KIAA0319L: variants seen among roughly 807,000 people sequenced by gnomAD.
KIAA0319L encodes the protein dyslexia-associated protein KIAA0319-like protein.
Under a neutral mutation model 120.1 loss-of-function variants are expected in KIAA0319L, and 55 were observed. The observed-to-expected ratio is 0.46, with a 90% confidence interval of 0.37 to 0.57. The LOEUF (loss-of-function observed/expected upper bound fraction) is 0.57, where lower values mean the gene tolerates loss of function less well. Among genes scored for constraint, KIAA0319L ranks in the 20% least tolerant of loss-of-function variants. KIAA0319L has a pLI of 0.00. For synonymous variants in KIAA0319L, 398 were observed against 471.9 expected (o/e 0.84, Z 2.03); for missense variants, 1,049 against 1,255.3 (o/e 0.84, Z 2.48).
At chr1:35,527,706 T>C (rs1055645659) in intron 2 of KIAA0319L, among the ~76,000 whole-genome samples, 3 of 152,164 alleles carry the variant, frequency 2.0e-5, no homozygotes, top group Admixed American at 1.3e-4. Flanking sequence ...TGTTCTCTGA[T>C]ATCTTTTGCA....
chr1:35,493,432 A>T (rs1644675772), intron 3 of KIAA0319L, among the ~76,000 whole-genome samples: 1 of 151,964 alleles, frequency 6.6e-6, no homozygotes, highest in Admixed American at 6.5e-5. Context: ...AAAAATAAAG[A>T]TGTGCAAGAT....
intron 3 of KIAA0319L, among the ~76,000 whole-genome samples, chr1:35,482,626 T>C (rs549869320): frequency 1.4e-4 from 22 of 152,136 alleles, no homozygotes; most frequent in African/African-American, 5.3e-4. Flanking sequence ...ACTGGGTTTC[T>C]CCATGTTGGT....
At chr1:35,514,260 C>T (rs1482419973) in intron 2 of KIAA0319L, among the ~76,000 whole-genome samples, 2 of 151,486 alleles carry the variant, frequency 1.3e-5, no homozygotes, top group African/African-American at 4.9e-5. Flanking sequence ...GGGCTGACAA[C>T]CAAAATGTCT....
At chr1:35,500,350 C>T (rs1036053534) in intron 3 of KIAA0319L, among the ~76,000 whole-genome samples, 16 of 152,322 alleles carry the variant, frequency 1.1e-4, no homozygotes, top group African/African-American at 3.1e-4. Context: ...AGCCTCTGTG[C>T]TCCTCCTGCC....
chr1:35,462,784 A>T, intron 7 of KIAA0319L, 71 bp from the exon 8 acceptor site: 1 of 1,206,460 alleles, frequency 8.3e-7, no homozygotes, highest in South Asian at 1.2e-5. Context: ...TGTATCTGAG[A>T]GGATTATAAA....
chr1:35,487,977 A>T (rs559568152), intron 3 of KIAA0319L, among the ~76,000 whole-genome samples: 1 of 152,282 alleles, frequency 6.6e-6, no homozygotes, highest in East Asian at 1.9e-4. Flanking sequence ...CTCACTTTCA[A>T]GCCCTCCTGC....
intron 2 of KIAA0319L, among the ~76,000 whole-genome samples, chr1:35,528,575 G>C (rs1570963822): frequency 6.6e-6 from 1 of 152,188 alleles, no homozygotes; most frequent in African/African-American, 2.4e-5. Flanking sequence ...GTGTTGATGG[G>C]AATGTGTATT....
rs12754216 is a variant in KIAA0319L, at chr1:35,550,312, G to C, written c.142+4038C>G. Among the ~76,000 whole-genome samples the C allele has an allele frequency of 4.6e-5, 7 of 152,220 alleles. No individual in the cohort carries two copies. The East Asian group carries it at 1.3e-3, about 29-fold the overall frequency. On this transcript the variant is annotated intron_variant, in intron 2 of 20. Coordinates refer to ENST00000325722, the MANE Select transcript of KIAA0319L (RefSeq NM_024874.5). ...GGTTAGTTTTTCAGAAATAATCCAT[G>C]AGCTAAATAACAGCAGGAATCAAGA...
intron 3 of KIAA0319L, among the ~76,000 whole-genome samples, chr1:35,488,182 C>T (rs1182302629): frequency 6.6e-6 from 1 of 152,168 alleles, no homozygotes; most frequent in Non-Finnish European, 1.5e-5. Context: ...GCTCCTCTAG[C>T]TTCTATCTGC....
chr1:35,463,010 T>C (rs1453550308), intron 7 of KIAA0319L, among the ~76,000 whole-genome samples: 1 of 152,106 alleles, frequency 6.6e-6, no homozygotes, highest in East Asian at 1.9e-4. Flanking sequence ...ATAAGGTTCA[T>C]CCTCCTGTGA....
chr1:35,512,800 A>C (rs1645506244), intron 2 of KIAA0319L, among the ~76,000 whole-genome samples: 1 of 137,420 alleles, frequency 7.3e-6, no homozygotes, highest in Non-Finnish European at 1.5e-5. Context: ...CTCACCCAGG[A>C]GGTGGAGGTT....
At chr1:35,471,594 A>G (rs1643627170) in intron 5 of KIAA0319L, among the ~76,000 whole-genome samples, 1 of 152,198 alleles carries the variant, frequency 6.6e-6, no homozygotes, top group African/African-American at 2.4e-5. Context: ...ATCACTAGGT[A>G]AGGCAATGGT....
intron 16 of KIAA0319L, among the ~76,000 whole-genome samples, chr1:35,445,229 A>C (rs1026430212): frequency 3.3e-5 from 5 of 152,206 alleles, no homozygotes; most frequent in Admixed American, 6.5e-5. Flanking sequence ...ATGACATAAA[A>C]TCTGAGAAGT....
chr1:35,479,521 C>T (rs981950996), intron 3 of KIAA0319L, among the ~76,000 whole-genome samples: 3 of 152,268 alleles, frequency 2.0e-5, no homozygotes, highest in African/African-American at 7.2e-5. Context: ...TCTACAAATA[C>T]TTATTGAGCA....
At chr1:35,454,593 T>C in intron 10 of KIAA0319L, 108 bp from the exon 11 acceptor site, 3 of 1,517,990 alleles carry the variant, frequency 2.0e-6, no homozygotes, top group Non-Finnish European at 2.7e-6. Flanking sequence ...AGACCTAAGA[T>C]GGTACTGGGC....
intron 20 of KIAA0319L, chr1:35,439,325 T>C (rs1641032056): frequency 6.6e-6 from 1 of 152,240 alleles, no homozygotes; most frequent in African/African-American, 2.4e-5. Context: ...TTTTTCTTCA[T>C]AAAGGCCTTT....
chr1:35,520,399 CTTTT>C (rs1041373040), intron 2 of KIAA0319L, among the ~76,000 whole-genome samples: 24 of 151,694 alleles, frequency 1.6e-4, no homozygotes, highest in Non-Finnish European at 2.7e-4. Context: ...CACCCGGCCT[CTTTT>C]TTTTCTTTAA....
chr1:35,454,450 C>T lies in KIAA0319L; in HGVS notation c.1692G>A (p.Met564Ile). 6.2e-7 allele frequency: 1 copy of T among 1,614,092 alleles called. No individual in the cohort carries two copies. The highest frequency in any genetic ancestry group is 1.1e-5 in the South Asian group (1 of 91,078). ...GCTGGTAAGTGTAGTCTCCTTCTTG[C>T]ATCGCAGAGAGCTGTAAGGTTGGTG... ...VRTPTLQLSA[M>I]QEGDYTYQLT... The change falls in exon 11 of 21, where the codon ATG becomes ATA. Residue 564 changes from methionine (M) to isoleucine (I), a missense_variant. Coordinates refer to ENST00000325722, the MANE Select transcript of KIAA0319L (RefSeq NM_024874.5).
intron 3 of KIAA0319L, among the ~76,000 whole-genome samples, chr1:35,479,476 A>AT (rs796651241): frequency 2.8e-4 from 43 of 152,362 alleles, no homozygotes; most frequent in African/African-American, 1.0e-3. Context: ...AAAACAATGT[A>AT]TACTTTTACC....
Sources: gnomAD v4.1 joint callset for allele counts (sites outside exome capture counted in the v4.1 genomes callset) on GRCh38, gnomAD v4.1.1 for gene constraint, MANE v1.5 for transcripts, NCBI Gene and HGNC (gene_info 2026-07-23, HGNC 2026-07-21) for gene names.